Variants in SMARCAD1 observed in about 807,000 individuals in gnomAD.
SMARCAD1 encodes SWI/SNF-related matrix-associated actin-dependent regulator of chromatin subfamily A containing DEAD/H box 1.
In SMARCAD1, 25 loss-of-function variants were observed where a neutral mutation model predicts 127.1. The ratio of observed to expected loss-of-function variants is 0.20; its 90% CI spans 0.14 to 0.27. The LOEUF is 0.27. SMARCAD1 is among the 10% of genes least tolerant of loss of function. The probability of loss-of-function intolerance (pLI) is 1.00; values close to 1 mark genes in which losing one functional copy is unlikely to be tolerated. For missense variants in SMARCAD1, 807 were observed against 1,206.0 expected (o/e 0.67, Z 4.90); for synonymous variants, 400 against 396.9 (o/e 1.01, Z -0.09).
chr4:94,249,776 A>G, intron 7 of SMARCAD1, 21 bp downstream of exon 7: 4 of 1,339,878 alleles, frequency 3.0e-6, no homozygotes, highest in Non-Finnish European at 4.3e-6. Flanking sequence ...GTGTATGAAA[A>G]TTTAATCAGT....
chr4:94,259,857 TCATC>T (rs1579246168), intron 9 of SMARCAD1, among the ~76,000 whole-genome samples: 1 of 152,340 alleles, frequency 6.6e-6, no homozygotes, highest in East Asian at 1.9e-4. Flanking sequence ...CTAATAAAAA[TCATC>T]AATAATGTCT....
intron 23 of SMARCAD1, among the ~76,000 whole-genome samples, chr4:94,285,654 C>T (rs1754831170): frequency 6.6e-6 from 1 of 152,184 alleles, no homozygotes; most frequent in South Asian, 2.1e-4. Context: ...AATCAATATA[C>T]TTTAATCTGT....
At chr4:94,241,793 T>C (rs976421975) in intron 6 of SMARCAD1, among the ~76,000 whole-genome samples, 6 of 152,128 alleles carry the variant, frequency 3.9e-5, no homozygotes, top group Admixed American at 3.3e-4. Flanking sequence ...TTAATCTTGG[T>C]GTAGAAAGTC....
chr4:94,232,888 G>A (rs548435665), intron 3 of SMARCAD1, among the ~76,000 whole-genome samples: 1 of 152,296 alleles, frequency 6.6e-6, no homozygotes, highest in African/African-American at 2.4e-5. Context: ...GCTGAGGTGG[G>A]AGGATTGCTA....
chr4:94,260,236 T>A (rs540944045), intron 9 of SMARCAD1, among the ~76,000 whole-genome samples: 2 of 152,238 alleles, frequency 1.3e-5, no homozygotes, highest in Non-Finnish European at 2.9e-5. Context: ...TGTTCTTTCA[T>A]CAGAAGACAG....
chr4:94,229,762 T>G (rs1188803157), intron 3 of SMARCAD1, among the ~76,000 whole-genome samples: 2 of 151,314 alleles, frequency 1.3e-5, no homozygotes, highest in Non-Finnish European at 2.9e-5. Context: ...GGGGTTGGAG[T>G]TAGGGAGAGA....
intron 4 of SMARCAD1, among the ~76,000 whole-genome samples, chr4:94,234,920 T>C (rs557227048): frequency 3.4e-4 from 52 of 152,268 alleles, no homozygotes; most frequent in Non-Finnish European, 5.0e-4. Context: ...AGAGTACATA[T>C]TCTTTTTTAA....
At chr4:94,239,722 A>G (rs1376366546) in intron 5 of SMARCAD1, among the ~76,000 whole-genome samples, 1 of 151,868 alleles carries the variant, frequency 6.6e-6, no homozygotes, top group African/African-American at 2.4e-5. Context: ...ACAGGCATGC[A>G]CCACCACGCC....
chr4:94,217,873 A>C (rs151166936), intron 2 of SMARCAD1, among the ~76,000 whole-genome samples: 1 of 152,334 alleles, frequency 6.6e-6, no homozygotes, highest in Admixed American at 6.5e-5. Context: ...AAAATTATCA[A>C]AGTGTATTGC....
At chr4:94,263,486 T>C (rs1177801722) in intron 9 of SMARCAD1, among the ~76,000 whole-genome samples, 1 of 152,026 alleles carries the variant, frequency 6.6e-6, no homozygotes, top group Non-Finnish European at 1.5e-5. Flanking sequence ...ACTTAGTATT[T>C]AACAGTGCCA....
intron 2 of SMARCAD1, among the ~76,000 whole-genome samples, chr4:94,216,465 A>G (rs1025175267): frequency 6.6e-6 from 1 of 152,178 alleles, no homozygotes; most frequent in African/African-American, 2.4e-5. Flanking sequence ...TTATGATAAA[A>G]TACACATAAG....
intron 6 of SMARCAD1, among the ~76,000 whole-genome samples, chr4:94,245,973 T>C (rs1421673644): frequency 6.6e-6 from 1 of 152,178 alleles, no homozygotes; most frequent in African/African-American, 2.4e-5. Context: ...AAAGACTTCA[T>C]ACAACATCCT....
At chr4:94,224,181 A>G (rs1047662257) in intron 2 of SMARCAD1, among the ~76,000 whole-genome samples, 17 of 152,294 alleles carry the variant, frequency 1.1e-4, no homozygotes, top group African/African-American at 3.1e-4. Flanking sequence ...TTGTTTGCTC[A>G]ACTTGCATGC....
intron 8 of SMARCAD1, among the ~76,000 whole-genome samples, 172 bp from the exon 9 acceptor site, chr4:94,252,444 A>C (rs1039190016): frequency 2.6e-5 from 4 of 152,248 alleles, no homozygotes; most frequent in Admixed American, 2.0e-4. Context: ...ACAATTGTTT[A>C]ACTTCAAATT....
intron 9 of SMARCAD1, 101 bp downstream of exon 9, chr4:94,253,108 G>GCACCCATC: frequency 1.5e-5 from 23 of 1,579,540 alleles, no homozygotes; most frequent in Non-Finnish European, 2.0e-5. Flanking sequence ...GCATAGATGG[G>GCACCCATC]TGGCCTTATC....
At chr4:94,280,531 T>G in intron 19 of SMARCAD1, 61 bp from the exon 20 acceptor site, 138 of 1,366,948 alleles carry the variant, frequency 1.0e-4, no homozygotes, top group Non-Finnish European at 1.3e-4. Flanking sequence ...TATTAAACTT[T>G]TCTCATCATA....
chr4:94,275,245 A>G (rs1356674420), intron 14 of SMARCAD1, among the ~76,000 whole-genome samples: 1 of 152,208 alleles, frequency 6.6e-6, no homozygotes, highest in Non-Finnish European at 1.5e-5. Context: ...AGTTAAGCTT[A>G]AAGTAAAATT....
intron 23 of SMARCAD1, among the ~76,000 whole-genome samples, chr4:94,288,729 C>T (rs1423531820): frequency 3.9e-5 from 6 of 152,094 alleles, no homozygotes; most frequent in Non-Finnish European, 8.8e-5. Context: ...TTCATAGTTA[C>T]AGATCTATCA....
At chr4:94,253,605 G>T (rs1749614866) in intron 9 of SMARCAD1, 1 of 1,027,548 alleles carries the variant, frequency 9.7e-7, no homozygotes, top group Admixed American at 5.1e-5. Context: ...GTTTTTAATT[G>T]GAAAGATAGA....
Sources: allele counts gnomAD v4.1 joint callset (sites outside exome capture counted in the v4.1 genomes callset), GRCh38; gene constraint gnomAD v4.1.1; transcripts MANE v1.5; gene names NCBI Gene and HGNC (gene_info 2026-07-23, HGNC 2026-07-21).